Variants in LEMD2 observed in about 807,000 individuals in gnomAD.
LEMD2 encodes LEM domain nuclear envelope protein 2, also known as LEM domain-containing protein 2.
LEMD2 carries 34 observed loss-of-function variants against 58.8 expected under a neutral mutation model. The ratio of observed to expected loss-of-function variants is 0.58; its 90% CI spans 0.44 to 0.77. The LOEUF (loss-of-function observed/expected upper bound fraction) is 0.77, where lower values mean the gene tolerates loss of function less well. LEMD2 is among the 30% of genes least tolerant of loss of function. The pLI, the probability that LEMD2 is intolerant of heterozygous loss-of-function variation, is 0.00. For synonymous variants in LEMD2, 298 were observed against 308.9 expected, an observed-to-expected ratio of 0.96 and a Z score of 0.37; for missense variants, 629 against 717.9, an observed-to-expected ratio of 0.88 and a Z score of 1.42.
Position 33,772,461 on chromosome 6 carries a change from G to T in LEMD2, c.*167C>A. The T allele has an allele frequency of 1.7e-6, 1 of 586,520 alleles. No individual in the cohort carries two copies. The highest frequency in any genetic ancestry group is 2.9e-6 in the Non-Finnish European group (1 of 348,306). The allele number at this position is 586,520 out of a possible 1,614,324, so 36.3% of individuals were successfully genotyped here. Reference sequence around the variant, plus strand: ...TTAAAGGAAGCCCACATTTTCCTGCGAGCCGAACTCCTCTGAAGAGTATGG... The same window carrying T: ...TTAAAGGAAGCCCACATTTTCCTGCTAGCCGAACTCCTCTGAAGAGTATGG... On this transcript the variant is annotated 3_prime_UTR_variant, in exon 9 of 9. Transcript: ENST00000293760.
At chr6:33,786,921 T>G (rs1028057055) in intron 1 of LEMD2, 147 bp from the exon 2 acceptor site, 143 of 1,456,562 alleles carry the variant, frequency 9.8e-5, no homozygotes, top group Non-Finnish European at 1.2e-4. Flanking sequence ...GAAGGCACTT[T>G]TAAAATGCAG....
Position 33,777,163 on chromosome 6 carries a change from C to T in LEMD2, c.1233G>A (p.Met411Ile), listed in dbSNP as rs1767450700. ...CTATAATCTTCTTCACCATCTCATACATGGCTTGTTCCTCCTCTTCTAACT... is the reference window on the plus strand; with the variant it reads ...CTATAATCTTCTTCACCATCTCATATATGGCTTGTTCCTCCTCTTCTAACT... Reference protein sequence around the residue: ...WRKLEEEEQAMYEMVKKIIDV... With the variant: ...WRKLEEEEQAIYEMVKKIIDV... The change falls in exon 7 of 9, where the codon ATG (methionine) becomes ATA (isoleucine). Residue 411 changes from methionine to isoleucine, a missense_variant. By Grantham distance (10) the Met-to-Ile change is conservative. Coordinates refer to ENST00000293760, the MANE Select transcript of LEMD2 (RefSeq NM_181336.4). 2 of 1,614,230 alleles carry T rather than the reference C, an allele frequency of 1.2e-6. No homozygotes were observed. Among genetic ancestry groups the T allele is most frequent in the Non-Finnish European group, 1.7e-6 (2 of 1,180,030 alleles).
rs1767493376 is a variant in LEMD2, at chr6:33,778,623, T to TC, written c.1011-237dup. The TC allele has an allele frequency of 1.6e-5, 6 of 367,866 alleles. No individual in the cohort carries two copies. The East Asian group carries it at 2.4e-4, about 15-fold the overall frequency. The allele number at this position is 367,866 out of a possible 1,614,324, so 22.8% of individuals were successfully genotyped here. A position where few individuals can be genotyped will look rare whatever the true frequency, so the allele number is the denominator to read the frequency against. On this transcript the variant is annotated intron_variant, in intron 5 of 8. Coordinates refer to ENST00000293760, the MANE Select transcript of LEMD2 (RefSeq NM_181336.4). The surrounding 1 kb of genome is among the most constrained non-coding windows in gnomAD (Gnocchi z 4.7). ...TTGAACCCCTACCGCTAAAGCAACG[T>TC]CCCCCTGTCAGGTCTTTGACAGCCT...
rs903917824 is a variant in LEMD2 at position 33,778,366 on chromosome 6, A to G, written c.1032T>C (p.Ser344=). The change falls in exon 6 of 9, where the codon TCT becomes TCC. Residue 344 remains serine (S), a synonymous_variant. Coordinates refer to ENST00000293760, the MANE Select transcript of LEMD2 (RefSeq NM_181336.4). This position sits in a 1 kb window ranked among gnomAD's most constrained non-coding sequence, Gnocchi z 4.7. Reference sequence around the variant, plus strand: ...CCTTGTCCACAGTCGTCACCAATTCAGACTGGTCTTCTCCTTTCAACCTGA... The same window carrying G: ...CCTTGTCCACAGTCGTCACCAATTCGGACTGGTCTTCTCCTTTCAACCTGA... The part of the protein sequence containing the change: ...VGIWLKGEDQ[S]ELVTTVDKVV... The G allele has an allele frequency of 6.3e-7, 1 of 1,576,980 alleles. No individual in the cohort carries two copies. The highest frequency in any genetic ancestry group is 1.8e-5 in the Admixed American group (1 of 55,564).
At chr6:33,781,196 A>T in intron 3 of LEMD2, 43 bp from the exon 4 acceptor site, 1 of 1,268,150 alleles carries the variant, frequency 7.9e-7, no homozygotes, top group Non-Finnish European at 1.1e-6. Flanking sequence ...CAAAGGAAAA[A>T]TCACTCTGAA....
chr6:33,786,936 C>T (rs986580841), intron 1 of LEMD2, 162 bp from the exon 2 acceptor site: 2 of 1,438,678 alleles, frequency 1.4e-6, no homozygotes, highest in East Asian at 2.6e-5. Flanking sequence ...ATGCAGACAG[C>T]AAAATGTAAG....
rs1767315532 is a variant in LEMD2 at position 33,772,223 on chromosome 6, CA to C, written c.*404del. The C allele has an allele frequency of 6.0e-6, 1 of 166,028 alleles. No homozygotes were observed. Among genetic ancestry groups the C allele is most frequent in the African/African-American group, 2.4e-5 (1 of 41,768 alleles). The allele number at this position is 166,028 out of a possible 1,614,324, so 10.3% of individuals were successfully genotyped here. A position where few individuals can be genotyped will look rare whatever the true frequency, so the allele number is the denominator to read the frequency against. ...AAGGCACATGGACCAAGCTGCTCCC[CA>C]TCCCGCCACCCGAAACACCATCCCT... On this transcript the variant is annotated 3_prime_UTR_variant, in exon 9 of 9. Transcript: ENST00000293760.
In LEMD2 at chr6:33,781,151, T is replaced by C. The variant is rs759371215; in HGVS notation, c.856A>G (p.Asn286Asp). Reference protein sequence around the residue: ...LYNFLAIQAGNFECGNPENLK... With the variant: ...LYNFLAIQAGDFECGNPENLK... Reference sequence around the variant, plus strand: ...TTCTCTGGATTTCCACACTCAAAATTACCTAGGAGAAAAAAAACCACACAT... The same window carrying C: ...TTCTCTGGATTTCCACACTCAAAATCACCTAGGAGAAAAAAAACCACACAT... Residue 286 changes from asparagine (N) to aspartate (D), a missense_variant and splice_region_variant, in exon 4 of 9, where the codon AAT becomes GAT. Asn to Asp is a conservative substitution (Grantham distance 23). Transcript: ENST00000293760. 3.1e-6 allele frequency: 5 copies of C among 1,596,670 alleles called. No individual in the cohort carries two copies. The African/African-American group carries it at 6.8e-5, about 22-fold the overall frequency.
chr6:33,775,245 T>C (rs1767401917), intron 8 of LEMD2, among the ~76,000 whole-genome samples: 1 of 152,214 alleles, frequency 6.6e-6, no homozygotes, highest in Non-Finnish European at 1.5e-5. Context: ...CACTCTAAAC[T>C]TCCTGCCTGC....
In LEMD2 at chr6:33,784,376, A is replaced by G. The variant is rs745798213; in HGVS notation, c.829T>C (p.Tyr277His). The G allele has an allele frequency of 4.1e-6, 6 of 1,479,772 alleles. No homozygotes were observed. The highest frequency in any genetic ancestry group is 2.2e-5 in the South Asian group (2 of 89,396). 91.7% of individuals were successfully genotyped at this position (1,479,772 alleles called of 1,614,324 possible). A position where few individuals can be genotyped will look rare whatever the true frequency, so the allele number is the denominator to read the frequency against. Residue 277 changes from tyrosine to histidine, a missense_variant, in exon 3 of 9, where the codon TAC becomes CAC. By Grantham distance (83) the Tyr-to-His change is moderately conservative. Transcript: ENST00000293760. ...AALLELLHELYNFLAIQAGNF... is the reference protein window; with the variant it reads ...AALLELLHELHNFLAIQAGNF... ...CCAGCTTGGATGGCCAGGAAATTGTAGAGTTCATGCAGCAGCTCCAGCAAG... is the reference window on the plus strand; with the variant it reads ...CCAGCTTGGATGGCCAGGAAATTGTGGAGTTCATGCAGCAGCTCCAGCAAG...
chr6:33,786,005 G>A (rs1194111262), intron 2 of LEMD2, among the ~76,000 whole-genome samples: 4 of 152,206 alleles, frequency 2.6e-5, no homozygotes, highest in Non-Finnish European at 2.9e-5. Flanking sequence ...TACTAGAGAT[G>A]TTAACTAAGG....
chr6:33,783,001 G>C (rs1316220574), intron 3 of LEMD2, among the ~76,000 whole-genome samples: 1 of 152,208 alleles, frequency 6.6e-6, no homozygotes, highest in African/African-American at 2.4e-5. Flanking sequence ...ATATCTACTA[G>C]GACCCAATTT....
chr6:33,786,970 A>T (rs988937943), intron 1 of LEMD2, 196 bp from the exon 2 acceptor site: 2 of 1,274,316 alleles, frequency 1.6e-6, no homozygotes, highest in South Asian at 1.7e-5. Context: ...TGGATTAGGA[A>T]TTACGATAGC....
rs750144570 is a variant in LEMD2 at position 33,788,373 on chromosome 6, G to A, written c.736+8C>T. 3.8e-6 allele frequency: 6 copies of A among 1,564,330 alleles called. No homozygotes were observed. Among genetic ancestry groups the A allele is most frequent in the Non-Finnish European group, 5.2e-6 (6 of 1,157,272 alleles). On this transcript the variant is annotated splice_region_variant and intron_variant, in intron 1 of 8. Coordinates refer to ENST00000293760, the MANE Select transcript of LEMD2 (RefSeq NM_181336.4). ...CAGGGCCCTCCCCTGCGCCGGCCCA[G>A]GACGTACTGTTGTCCTCCGCCTCCT...
At position 33,783,537 on chromosome 6, in the gene LEMD2, C is replaced by T. The variant is rs369732256; in HGVS notation, c.853+815G>A. Reference sequence around the variant, plus strand: ...TGCTCTGTCTGGTTCTTGTGTCCAGCGCATTTAACACAAGGCGCACATGCT... The same window carrying T: ...TGCTCTGTCTGGTTCTTGTGTCCAGTGCATTTAACACAAGGCGCACATGCT... On this transcript the variant is annotated intron_variant, in intron 3 of 8. Transcript: ENST00000293760. Among the ~76,000 whole-genome samples the T allele has an allele frequency of 9.8e-5, 15 of 152,306 alleles. No homozygotes were observed. In the East Asian group the frequency reaches 1.2e-3, roughly 12 times the overall value.
chr6:33,776,946 G>A lies in LEMD2; in HGVS notation c.1361+8C>T. 1 of 1,609,226 alleles carries A rather than the reference G, an allele frequency of 6.2e-7. No individual in the cohort carries two copies. The highest frequency in any genetic ancestry group is 8.5e-7 in the Non-Finnish European group (1 of 1,176,684). ...ACCTCACACCCAGCGCCCCAGCCAGGGACTCACCGGCTCTGTGGAGGGATC... is the reference window on the plus strand; with the variant it reads ...ACCTCACACCCAGCGCCCCAGCCAGAGACTCACCGGCTCTGTGGAGGGATC... On this transcript the variant is annotated splice_region_variant and intron_variant, in intron 8 of 8. Transcript: ENST00000293760.
chr6:33,784,587 GGA>G (rs1462299803), intron 2 of LEMD2, 160 bp from the exon 3 acceptor site: 12 of 589,090 alleles, frequency 2.0e-5, no homozygotes, highest in Non-Finnish European at 3.4e-5. Context: ...CTGGGCCTAG[GGA>G]GAGAGTTGAT....
chr6:33,781,906 TA>T (rs1374460111), intron 3 of LEMD2: 2 of 152,446 alleles, frequency 1.3e-5, no homozygotes, highest in East Asian at 3.9e-4. Context: ...CACGCACGCA[TA>T]CACTATTTAA....
rs1043709292 is a variant in LEMD2, at chr6:33,788,593, G to A, written c.524C>T (p.Ser175Phe). 68 of 1,290,926 alleles carry A rather than the reference G, an allele frequency of 5.3e-5. No individual in the cohort carries two copies. Among genetic ancestry groups the A allele is most frequent in the Non-Finnish European group, 6.1e-5 (62 of 1,022,758 alleles). The allele number at this position is 1,290,926 out of a possible 1,614,324, so 80.0% of individuals were successfully genotyped here. A position where few individuals can be genotyped will look rare whatever the true frequency, so the allele number is the denominator to read the frequency against. Residue 175 changes from serine (S) to phenylalanine (F), a missense_variant, in exon 1 of 9, where the codon TCC (serine) becomes TTC (phenylalanine). Transcript: ENST00000293760. ...CGGGCGCGGGTCGGGACCGAGGAGG[G>A]AGGAAGGCAGCCGCGCCGGGGCGGG... is the stretch of plus-strand genomic sequence containing the variant. ...ASPAPARLPS[S>F]LLGPDPRPGL...
Sources: allele counts gnomAD v4.1 joint callset (sites outside exome capture counted in the v4.1 genomes callset), GRCh38; gene constraint gnomAD v4.1.1; non-coding constraint Gnocchi (gnomAD v3.1); transcripts MANE v1.5; gene names NCBI Gene and HGNC (gene_info 2026-07-23, HGNC 2026-07-21).